The following WWOX variants were observed in gnomAD, a reference collection of about 807,000 sequenced individuals.
WWOX encodes the protein WW domain containing oxidoreductase, also known as WW domain-containing oxidoreductase.
Under a neutral mutation model 46.2 loss-of-function variants are expected in WWOX, and 69 were observed. The ratio of observed to expected loss-of-function variants is 1.49; its 90% CI spans 1.23 to 1.82. WWOX has a LOEUF of 1.82. Ranked by LOEUF, WWOX falls within the 40% of genes most tolerant of loss-of-function variation. The pLI is 0.00. For synonymous variants in WWOX, 359 were observed against 202.6 expected (o/e 1.77, Z -6.56); for missense variants, 919 against 542.6 (o/e 1.69, Z -6.89).
At chr16:79,093,507 A>C (rs1265760457) in intron 8 of WWOX, among the ~76,000 whole-genome samples, 1 of 151,730 alleles carries the variant, frequency 6.6e-6, no homozygotes, top group African/African-American at 2.4e-5. Flanking sequence ...TTTTTCTTTT[A>C]TTAAATGAAA....
At chr16:78,828,216 C>T (rs1001637901) in intron 8 of WWOX, among the ~76,000 whole-genome samples, 2 of 152,136 alleles carry the variant, frequency 1.3e-5, no homozygotes, top group African/African-American at 2.4e-5. Context: ...CAAGACCTGG[C>T]TTCTGCTCCC....
rs1320694414 is a variant in WWOX at position 78,350,671 on chromosome 16, G to C, written c.517-36189G>C. Reference sequence around the variant, plus strand: ...AGGGCTGAGTAATATTCCATTTACGGATATGCCACATTTCATCTATGCATT... The same window carrying C: ...AGGGCTGAGTAATATTCCATTTACGCATATGCCACATTTCATCTATGCATT... On this transcript the variant is annotated intron_variant, in intron 5 of 8. Transcript: ENST00000566780. Among the ~76,000 whole-genome samples, 2 of 121,554 alleles carry C rather than the reference G, an allele frequency of 1.6e-5. 1 individual carries two copies. Among genetic ancestry groups the C allele is most frequent in the Admixed American group, 1.6e-4 (2 of 12,452 alleles). 79.7% of individuals were successfully genotyped at this position (121,554 alleles called of 152,430 possible).
chr16:78,823,457 C>G (rs768990672), intron 8 of WWOX, among the ~76,000 whole-genome samples: 3 of 152,190 alleles, frequency 2.0e-5, no homozygotes, highest in Non-Finnish European at 4.4e-5. Flanking sequence ...TTATCATCAC[C>G]TGAATGTTCA....
At chr16:78,834,608 G>T (rs552481825) in intron 8 of WWOX, among the ~76,000 whole-genome samples, 1 of 152,204 alleles carries the variant, frequency 6.6e-6, no homozygotes, top group East Asian at 1.9e-4. Context: ...GTACAGCGTA[G>T]TTTGTTGCAG....
At chr16:78,290,492 T>G (rs910272479) in intron 5 of WWOX, among the ~76,000 whole-genome samples, 2 of 152,114 alleles carry the variant, frequency 1.3e-5, no homozygotes, top group African/African-American at 4.8e-5. Context: ...TGTTTCAAAC[T>G]CCTGTTGTTC....
intron 8 of WWOX, among the ~76,000 whole-genome samples, chr16:79,159,249 C>G (rs1394141080): frequency 6.6e-6 from 1 of 152,214 alleles, no homozygotes; most frequent in Non-Finnish European, 1.5e-5. Flanking sequence ...CCCTCACTCC[C>G]ACCTAATCTC....
At chr16:78,773,266 C>G (rs182824226) in intron 8 of WWOX, among the ~76,000 whole-genome samples, 181 of 152,238 alleles carry the variant, frequency 1.2e-3, no homozygotes, top group African/African-American at 4.1e-3. Context: ...TTCCACACCC[C>G]ATGTTCCTTC....
At chr16:78,198,117 G>A (rs2151771527) in intron 5 of WWOX, among the ~76,000 whole-genome samples, 1 of 152,120 alleles carries the variant, frequency 6.6e-6, no homozygotes, top group South Asian at 2.1e-4. Flanking sequence ...AGGCATCTAC[G>A]CTCCAGGTCT....
intron 5 of WWOX, among the ~76,000 whole-genome samples, chr16:78,292,142 T>C (rs2079870723): frequency 1.3e-5 from 2 of 151,370 alleles, no homozygotes. Flanking sequence ...TCTCAGCTCA[T>C]TAACCTCAGG....
intron 8 of WWOX, among the ~76,000 whole-genome samples, chr16:78,908,667 A>T (rs1604952): frequency 2.6e-5 from 4 of 152,174 alleles, no homozygotes; most frequent in African/African-American, 9.6e-5. Context: ...TAGTGAGAAG[A>T]GGGTCAGGGA....
chr16:78,999,438 C>G (rs2047051966), intron 8 of WWOX, among the ~76,000 whole-genome samples: 1 of 152,160 alleles, frequency 6.6e-6, no homozygotes, highest in African/African-American at 2.4e-5. Context: ...CCATTGCACT[C>G]CAGCCTGGGC....
chr16:78,384,005 G>T (rs1047239873), intron 5 of WWOX, among the ~76,000 whole-genome samples: 1 of 152,168 alleles, frequency 6.6e-6, no homozygotes, highest in Non-Finnish European at 1.5e-5. Flanking sequence ...CTTAGCAGTT[G>T]TAAGTTACTT....
intron 8 of WWOX, among the ~76,000 whole-genome samples, chr16:78,849,589 A>AAG (rs1555549768): frequency 1.4e-5 from 2 of 148,058 alleles, no homozygotes; most frequent in South Asian, 2.1e-4. Flanking sequence ...AAAAAAAAAA[A>AAG]AAAGAAAACA....
intron 6 of WWOX, among the ~76,000 whole-genome samples, chr16:78,419,667 T>C (rs1392463469): frequency 7.9e-6 from 1 of 127,262 alleles, no homozygotes; most frequent in African/African-American, 2.9e-5. Context: ...GAGACTTAAA[T>C]GTAAGAGCTA....
intron 8 of WWOX, among the ~76,000 whole-genome samples, chr16:78,721,257 T>C (rs1567514767): frequency 6.6e-6 from 1 of 151,912 alleles, no homozygotes; most frequent in South Asian, 2.1e-4. Flanking sequence ...AAAGTAGCTT[T>C]CATGATGAAG....
In WWOX at chr16:78,462,221, T is replaced by C. The variant is rs561532404; in HGVS notation, c.1056+29469T>C. Among the ~76,000 whole-genome samples the C allele has an allele frequency of 2.6e-5, 4 of 152,092 alleles. No homozygotes were observed. The South Asian group carries it at 8.3e-4, about 32-fold the overall frequency. On this transcript the variant is annotated intron_variant, in intron 8 of 8. Coordinates refer to ENST00000566780, the MANE Select transcript of WWOX (RefSeq NM_016373.4). ...AGAATCTCAGCGATGATCCTAAATA[T>C]CTTTCTCTCTTGCTCACGCTCTTTT...
chr16:78,383,025 A>C (rs1024746599), intron 5 of WWOX, among the ~76,000 whole-genome samples: 1 of 150,494 alleles, frequency 6.6e-6, no homozygotes, highest in African/African-American at 2.4e-5. Context: ...GAATAGGGGG[A>C]GGTGATATGC....
At chr16:78,449,539 C>T (rs747177830) in intron 8 of WWOX, among the ~76,000 whole-genome samples, 5 of 152,178 alleles carry the variant, frequency 3.3e-5, no homozygotes, top group African/African-American at 4.8e-5. Context: ...CTTGACCTGC[C>T]TGAAGCCATA....
At chr16:78,598,568 C>T (rs991344106) in intron 8 of WWOX, among the ~76,000 whole-genome samples, 6 of 152,086 alleles carry the variant, frequency 3.9e-5, no homozygotes, top group Non-Finnish European at 7.3e-5. Context: ...GCTCTCAGGT[C>T]GGTGCCATCG....
Sources: gnomAD v4.1 joint callset for allele counts (sites outside exome capture counted in the v4.1 genomes callset) on GRCh38, gnomAD v4.1.1 for gene constraint, MANE v1.5 for transcripts, NCBI Gene and HGNC (gene_info 2026-07-23, HGNC 2026-07-21) for gene names.